Variants in AGO2 observed in about 807,000 individuals in gnomAD.
The protein encoded by AGO2 is argonaute RISC catalytic component 2.
A neutral mutation model predicts 102.3 loss-of-function variants in AGO2; 5 were observed. The ratio of observed to expected loss-of-function variants is 0.05; its 90% CI spans 0.03 to 0.10. The LOEUF is 0.10. Ranked by LOEUF, AGO2 falls within the 10% of genes least tolerant of loss-of-function variation. AGO2 has a pLI of 1.00. For missense variants in AGO2, 541 were observed against 1,183.7 expected (o/e 0.46, Z 7.97); for synonymous variants, 449 against 473.1 (o/e 0.95, Z 0.66).
In AGO2 at chr8:140,521,343, A is replaced by G. The variant is rs749778072; in HGVS notation, c.*10701T>C. On this transcript the variant is annotated 3_prime_UTR_variant, in exon 19 of 19. Coordinates refer to ENST00000220592, the MANE Select transcript of AGO2 (RefSeq NM_012154.5). ...TTTAAGTAGAATCATCTCTCTCTCT[A>G]TTTTTGAGATCCTGCAGCAAAAAGC... 6.6e-6 allele frequency: 1 copy of G among 152,190 alleles called. No individual in the cohort carries two copies. Among genetic ancestry groups the G allele is most frequent in the Non-Finnish European group, 1.5e-5 (1 of 68,028 alleles). 9.4% of individuals were successfully genotyped at this position (152,190 alleles called of 1,614,324 possible). A position where few individuals can be genotyped will look rare whatever the true frequency, so the allele number is the denominator to read the frequency against.
intron 8 of AGO2, among the ~76,000 whole-genome samples, chr8:140,556,861 C>T (rs1177075035): frequency 6.6e-6 from 1 of 152,214 alleles, no homozygotes; most frequent in South Asian, 2.1e-4. Flanking sequence ...TTACACACAA[C>T]CTCAGGCAAG....
chr8:140,523,392 T>C lies in AGO2; in HGVS notation c.*8652A>G, dbSNP rs2072447572. 6.6e-6 allele frequency: 1 copy of C among 152,194 alleles called. No homozygotes were observed. The highest frequency in any genetic ancestry group is 1.5e-5 in the Non-Finnish European group (1 of 68,044). The allele number at this position is 152,194 out of a possible 1,614,324, so 9.4% of individuals were successfully genotyped here. ...TTCATTTTTGGTTCTTTTTCAATTA[T>C]TTTATAAAAATAAAATAAAACTAGA... On this transcript the variant is annotated 3_prime_UTR_variant, in exon 19 of 19. Transcript: ENST00000220592.
At chr8:140,533,180 G>A (rs60878167) in intron 17 of AGO2, among the ~76,000 whole-genome samples, 16,277 of 149,602 alleles carry the variant, frequency 0.11, 1,786 homozygotes, top group African/African-American at 0.29. Context: ...ACAAGGTCAG[G>A]AGATCGAGAC....
chr8:140,539,745 G>A lies in AGO2; in HGVS notation c.2035-291C>T, dbSNP rs2072761741. Among the ~76,000 whole-genome samples, 1 of 152,234 alleles carries A rather than the reference G, an allele frequency of 6.6e-6. No individual in the cohort carries two copies. The highest frequency in any genetic ancestry group is 6.5e-5 in the Admixed American group (1 of 15,280). ...AGCCAACGCCAGGGATGCAGGCTGG[G>A]CTCTGCGCTGAGAAGGCACATGCAG... On this transcript the variant is annotated intron_variant, in intron 15 of 18. Coordinates refer to ENST00000220592, the MANE Select transcript of AGO2 (RefSeq NM_012154.5). This position sits in a 1 kb window ranked among gnomAD's most constrained non-coding sequence, Gnocchi z 4.7.
intron 1 of AGO2, among the ~76,000 whole-genome samples, chr8:140,599,316 T>C (rs1588494347): frequency 6.6e-6 from 1 of 152,132 alleles, no homozygotes; most frequent in African/African-American, 2.4e-5. Flanking sequence ...CACCGGCTCG[T>C]TTCATACATG....
chr8:140,585,392 T>C, intron 1 of AGO2, 81 bp from the exon 2 acceptor site: 2 of 1,487,194 alleles, frequency 1.3e-6, no homozygotes, highest in Non-Finnish European at 9.2e-7. Flanking sequence ...CCCAAGCCAC[T>C]ATATGCCCCC....
rs1386403449 is a variant in AGO2 at position 140,523,949 on chromosome 8, C to T, written c.*8095G>A. 6.6e-6 allele frequency: 1 copy of T among 152,146 alleles called. No individual in the cohort carries two copies. Among genetic ancestry groups the T allele is most frequent in the African/African-American group, 2.4e-5 (1 of 41,440 alleles). The allele number at this position is 152,146 out of a possible 1,614,324, so 9.4% of individuals were successfully genotyped here. On this transcript the variant is annotated 3_prime_UTR_variant, in exon 19 of 19. Transcript: ENST00000220592. ...CCCCACTTAAAACCAATAAAATCAC[C>T]CCTTGACAGGGACAGGTGGTTTCTC...
At chr8:140,595,877 T>C (rs1195776862) in intron 1 of AGO2, among the ~76,000 whole-genome samples, 1 of 119,502 alleles carries the variant, frequency 8.4e-6, no homozygotes, top group African/African-American at 3.3e-5. Context: ...TTGTATATTA[T>C]ATAATATATA....
rs1299516773 is a variant in AGO2, at chr8:140,539,222, A to G, written c.2169+98T>C. On this transcript the variant is annotated intron_variant, in intron 16 of 18. Coordinates refer to ENST00000220592, the MANE Select transcript of AGO2 (RefSeq NM_012154.5). The surrounding 1 kb of genome is among the most constrained non-coding windows in gnomAD (Gnocchi z 4.7). Reference sequence around the variant, plus strand: ...ACAGAGTCACCCTAGAGCCTGGGACAGCGGCACTGTGGCCAGCAGGTTCTC... The same window carrying G: ...ACAGAGTCACCCTAGAGCCTGGGACGGCGGCACTGTGGCCAGCAGGTTCTC... The G allele has an allele frequency of 6.7e-7, 1 of 1,486,496 alleles. No individual in the cohort carries two copies. The highest frequency in any genetic ancestry group is 9.0e-7 in the Non-Finnish European group (1 of 1,113,194). The allele number at this position is 1,486,496 out of a possible 1,614,324, so 92.1% of individuals were successfully genotyped here.
chr8:140,538,016 C>T (rs1037860010), intron 16 of AGO2, among the ~76,000 whole-genome samples: 13 of 152,242 alleles, frequency 8.5e-5, no homozygotes, highest in East Asian at 5.8e-4. Flanking sequence ...GATGGGGTTT[C>T]GCCATGTTGG....
At chr8:140,551,820 T>G (rs1445439390) in intron 10 of AGO2, among the ~76,000 whole-genome samples, 1 of 139,804 alleles carries the variant, frequency 7.2e-6, no homozygotes, top group African/African-American at 2.7e-5. Flanking sequence ...AGTGGGTGGG[T>G]GGATGGCTGA....
chr8:140,618,879 T>G (rs2074178444), intron 1 of AGO2, among the ~76,000 whole-genome samples: 1 of 152,058 alleles, frequency 6.6e-6, no homozygotes, highest in Non-Finnish European at 1.5e-5. Context: ...GGTTTTTTTT[T>G]TCTTTTTACT....
chr8:140,600,247 T>C (rs1055647794), intron 1 of AGO2, among the ~76,000 whole-genome samples: 1 of 152,246 alleles, frequency 6.6e-6, no homozygotes. Flanking sequence ...AAGTGGGACA[T>C]GTATGAAGTC....
At chr8:140,545,677 A>C (rs765905353) in intron 13 of AGO2, among the ~76,000 whole-genome samples, 1 of 152,206 alleles carries the variant, frequency 6.6e-6, no homozygotes, top group African/African-American at 2.4e-5. Flanking sequence ...CCTGCAGCCC[A>C]GGCCAAGGGC....
chr8:140,551,303 T>C lies in AGO2; in HGVS notation c.1403A>G (p.Lys468Arg). The C allele has an allele frequency of 2.0e-6, 3 of 1,527,328 alleles. No homozygotes were observed. Among genetic ancestry groups the C allele is most frequent in the Non-Finnish European group, 2.7e-6 (3 of 1,128,246 alleles). 94.6% of individuals were successfully genotyped at this position (1,527,328 alleles called of 1,614,324 possible). The change falls in exon 11 of 19, where the codon AAG becomes AGG. Residue 468 changes from lysine (K) to arginine (R), a missense_variant and splice_region_variant. Around this residue, in one of 6 missense-constraint regions of AGO2, gnomAD observed 309 missense variants for 735.1 expected, o/e 0.42. Transcript: ENST00000220592. ...GAGCCTCTGCCTGTGGGGGGCTTAC[T>C]TCAGATGGACTTCCGTGCACTGGCG... is the stretch of plus-strand genomic sequence containing the variant. ...PQRQCTEVHLKSFTEQLRKIS... is the reference protein window; with the variant it reads ...PQRQCTEVHLRSFTEQLRKIS...
chr8:140,614,915 G>A (rs965100751), intron 1 of AGO2, among the ~76,000 whole-genome samples: 1 of 152,182 alleles, frequency 6.6e-6, no homozygotes, highest in African/African-American at 2.4e-5. Context: ...AGTCACTCCT[G>A]GAGCCTCAGA....
rs555885318 is a variant in AGO2, at chr8:140,589,648, C to T, written c.23-4337G>A. Among the ~76,000 whole-genome samples, 5 of 152,186 alleles carry T rather than the reference C, an allele frequency of 3.3e-5. No homozygotes were observed. The highest frequency in any genetic ancestry group is 6.5e-5 in the Admixed American group (1 of 15,284). ...GGGCATCAGCCAGAAAACGTGCAGG[C>T]CAAAGAAAGTGAGAAGGATAGCTCA... On this transcript the variant is annotated intron_variant, in intron 1 of 18. Transcript: ENST00000220592. The surrounding 1 kb of genome is among the most constrained non-coding windows in gnomAD (Gnocchi z 4.2).
chr8:140,585,976 C>T (rs564844465), intron 1 of AGO2, among the ~76,000 whole-genome samples: 1 of 152,254 alleles, frequency 6.6e-6, no homozygotes, highest in East Asian at 1.9e-4. Context: ...GAATTATTTG[C>T]TTTTTTGTTT....
intron 1 of AGO2, among the ~76,000 whole-genome samples, chr8:140,605,188 G>A (rs186969640): frequency 2.4e-4 from 36 of 152,156 alleles, no homozygotes; most frequent in African/African-American, 7.0e-4. Flanking sequence ...TCCGCCTCCC[G>A]GGCTCAAGCA....
Sources: allele counts gnomAD v4.1 joint callset (sites outside exome capture counted in the v4.1 genomes callset), GRCh38; gene constraint gnomAD v4.1.1; regional missense constraint gnomAD v4.1.1; non-coding constraint Gnocchi (gnomAD v3.1); transcripts MANE v1.5; gene names NCBI Gene and HGNC (gene_info 2026-07-23, HGNC 2026-07-21).